The following SPAG17 variants were observed in gnomAD, a reference collection of about 807,000 sequenced individuals.
The protein encoded by SPAG17 is sperm associated antigen 17, also known as sperm-associated antigen 17.
SPAG17 carries 169 observed loss-of-function variants against 273.6 expected under a neutral mutation model. That is an observed-to-expected ratio of 0.62 (90% CI 0.55 to 0.70). The LOEUF (loss-of-function observed/expected upper bound fraction) is 0.70. Among genes scored for constraint, SPAG17 ranks in the 30% least tolerant of loss-of-function variants. SPAG17 has a pLI of 0.00. For missense variants in SPAG17, 2,557 were observed against 2,627.8 expected (o/e 0.97, Z 0.59); for synonymous variants, 825 against 873.2 (o/e 0.94, Z 0.97).
At chr1:118,168,697 C>A (rs957628637) in intron 1 of SPAG17, among the ~76,000 whole-genome samples, 2 of 152,124 alleles carry the variant, frequency 1.3e-5, no homozygotes, top group Non-Finnish European at 2.9e-5. Flanking sequence ...CACTTAAATT[C>A]TTGGGCAACA....
chr1:118,129,866 C>G (rs1177293955), intron 3 of SPAG17, among the ~76,000 whole-genome samples: 1 of 151,902 alleles, frequency 6.6e-6, no homozygotes, highest in East Asian at 1.9e-4. Context: ...TAAGCTGCCC[C>G]TTTCAGAGGA....
chr1:118,145,369 TAATA>T (rs982316849), intron 3 of SPAG17, among the ~76,000 whole-genome samples: 21 of 152,192 alleles, frequency 1.4e-4, no homozygotes, highest in African/African-American at 5.1e-4. Flanking sequence ...TGTCAATTAC[TAATA>T]AATACATGTT....
At chr1:118,091,351 A>G (rs1655357169) in intron 10 of SPAG17, among the ~76,000 whole-genome samples, 1 of 152,160 alleles carries the variant, frequency 6.6e-6, no homozygotes. Context: ...GACACCAGAC[A>G]CAGAGTATTG....
At chr1:117,974,566 C>T (rs570467987) in intron 43 of SPAG17, among the ~76,000 whole-genome samples, 1 of 152,116 alleles carries the variant, frequency 6.6e-6, no homozygotes, top group South Asian at 2.1e-4. Flanking sequence ...GATTCTACTA[C>T]TATATTCATA....
chr1:117,980,668 T>C (rs1256698600), intron 43 of SPAG17, among the ~76,000 whole-genome samples: 1 of 152,250 alleles, frequency 6.6e-6, no homozygotes, highest in East Asian at 1.9e-4. Context: ...CAAAATCATC[T>C]ACACAATGCA....
intron 10 of SPAG17, among the ~76,000 whole-genome samples, chr1:118,088,788 T>C (rs1192281892): frequency 6.6e-6 from 1 of 152,158 alleles, no homozygotes; most frequent in Admixed American, 6.5e-5. Context: ...TAAGCTGGAA[T>C]TCCCAAAGGG....
At chr1:118,155,246 C>T (rs1226281049) in intron 1 of SPAG17, among the ~76,000 whole-genome samples, 1 of 152,160 alleles carries the variant, frequency 6.6e-6, no homozygotes, top group East Asian at 1.9e-4. Context: ...TCTCCTAAGG[C>T]AGGAAAGTAT....
chr1:118,107,039 G>C (rs1428966508), intron 4 of SPAG17, among the ~76,000 whole-genome samples: 5 of 152,210 alleles, frequency 3.3e-5, no homozygotes, highest in African/African-American at 1.2e-4. Flanking sequence ...TCTAGTAGCA[G>C]AGTATAGTTT....
intron 43 of SPAG17, among the ~76,000 whole-genome samples, chr1:117,977,909 A>T (rs1655314375): frequency 6.6e-6 from 1 of 152,170 alleles, no homozygotes; most frequent in Non-Finnish European, 1.5e-5. Flanking sequence ...TCCTGATGAC[A>T]TCACCTGGAT....
At chr1:118,134,721 G>A (rs1479685926) in intron 3 of SPAG17, among the ~76,000 whole-genome samples, 1 of 152,060 alleles carries the variant, frequency 6.6e-6, no homozygotes, top group African/African-American at 2.4e-5. Context: ...TGAGCCACCT[G>A]TCCAGACTAA....
At chr1:118,053,892 A>G (rs1479933154) in intron 20 of SPAG17, 110 bp downstream of exon 20, 5 of 694,704 alleles carry the variant, frequency 7.2e-6, no homozygotes, top group South Asian at 4.2e-5. Context: ...AGCCATCTTC[A>G]TGCTTCTTCC....
At chr1:118,108,055 A>C (rs1656515622) in intron 4 of SPAG17, among the ~76,000 whole-genome samples, 1 of 152,168 alleles carries the variant, frequency 6.6e-6, no homozygotes, top group African/African-American at 2.4e-5. Context: ...TTCCGGATCC[A>C]GGTCGAGATG....
At chr1:118,042,092 T>A in intron 20 of SPAG17, 50 bp from the exon 21 acceptor site, 1 of 1,577,836 alleles carries the variant, frequency 6.3e-7, no homozygotes, top group Non-Finnish European at 8.6e-7. Flanking sequence ...GAATTAAACA[T>A]AGGTTCCATT....
At chr1:118,001,801 G>T (rs562885869) in intron 32 of SPAG17, among the ~76,000 whole-genome samples, 1 of 152,192 alleles carries the variant, frequency 6.6e-6, no homozygotes, top group Non-Finnish European at 1.5e-5. Context: ...TTTTTGAAGG[G>T]TTTTTTGTGT....
intron 22 of SPAG17, among the ~76,000 whole-genome samples, chr1:118,040,235 T>C (rs907307887): frequency 4.6e-5 from 7 of 152,140 alleles, no homozygotes; most frequent in South Asian, 2.1e-4. Context: ...GGAGAAAATA[T>C]TGAATTTACT....
chr1:118,026,291 A>G (rs553342402), intron 26 of SPAG17, among the ~76,000 whole-genome samples: 2 of 152,350 alleles, frequency 1.3e-5, no homozygotes, highest in Non-Finnish European at 2.9e-5. Flanking sequence ...AAAAGCAAGC[A>G]CTATTATGGA....
intron 3 of SPAG17, among the ~76,000 whole-genome samples, chr1:118,130,898 A>AGTG (rs1570747614): frequency 6.6e-6 from 1 of 152,204 alleles, no homozygotes; most frequent in African/African-American, 2.4e-5. Flanking sequence ...GGGGTTAAAT[A>AGTG]GTGGTGGTAC....
In SPAG17 at chr1:118,101,805, G is replaced by A; in HGVS notation, c.569C>T (p.Ala190Val). 1 of 1,614,054 alleles carries A rather than the reference G, an allele frequency of 6.2e-7. No individual in the cohort carries two copies. The highest frequency in any genetic ancestry group is 1.1e-5 in the South Asian group (1 of 91,086). Residue 190 changes from alanine to valine, a missense_variant, in exon 5 of 49, where the codon GCA becomes GTA. Transcript: ENST00000336338. ...TAACTGGGTGGTCTTTTTCACTGGT[G>A]CATTTGCCTCAGGCTGATCCTTTCC... ...GKGKDQPEAN[A>V]PVKKTTQLKR...
At chr1:118,148,631 A>T (rs1159875914) in intron 3 of SPAG17, among the ~76,000 whole-genome samples, 2 of 152,190 alleles carry the variant, frequency 1.3e-5, no homozygotes, top group Non-Finnish European at 2.9e-5. Flanking sequence ...CTCTAGCTAG[A>T]CAGAAAAGTT....
Sources: gnomAD v4.1 joint callset for allele counts (sites outside exome capture counted in the v4.1 genomes callset) on GRCh38, gnomAD v4.1.1 for gene constraint, MANE v1.5 for transcripts, NCBI Gene and HGNC (gene_info 2026-07-23, HGNC 2026-07-21) for gene names.